MGAT5: variants seen among roughly 807,000 people sequenced by gnomAD.
The protein encoded by MGAT5 is alpha-1,6-mannosylglycoprotein 6-beta-N-acetylglucosaminyltransferase A.
A neutral mutation model predicts 94.3 loss-of-function variants in MGAT5; 30 were observed. The observed-to-expected ratio is 0.32, with a 90% CI of 0.24 to 0.43. The LOEUF is 0.43. MGAT5 is among the 20% of genes least tolerant of loss of function. MGAT5 has a pLI of 1.00. For missense variants in MGAT5, 691 were observed against 905.5 expected, an observed-to-expected ratio of 0.76 and a Z score of 3.04; for synonymous variants, 310 against 322.9, an observed-to-expected ratio of 0.96 and a Z score of 0.43.
intron 1 of MGAT5, among the ~76,000 whole-genome samples, chr2:134,269,692 A>G (rs1036522794): frequency 6.6e-6 from 1 of 152,236 alleles, no homozygotes; most frequent in African/African-American, 2.4e-5. Context: ...TTTAATGTGT[A>G]GTCAGATGTG....
intron 1 of MGAT5, among the ~76,000 whole-genome samples, chr2:134,201,304 C>CT (rs1250302932): frequency 1.3e-5 from 2 of 152,030 alleles, no homozygotes; most frequent in African/African-American, 4.8e-5. Context: ...GCAGGAAGAA[C>CT]TATCTTTTGT....
At chr2:134,290,694 G>A (rs1685295860) in intron 2 of MGAT5, among the ~76,000 whole-genome samples, 1 of 152,182 alleles carries the variant, frequency 6.6e-6, no homozygotes, top group African/African-American at 2.4e-5. Flanking sequence ...GTGACAGAGG[G>A]GCTTGCTGAT....
At chr2:134,399,764 G>A (rs1226080272) in intron 10 of MGAT5, among the ~76,000 whole-genome samples, 1 of 152,152 alleles carries the variant, frequency 6.6e-6, no homozygotes, top group Admixed American at 6.5e-5. Flanking sequence ...TCTTAGATCA[G>A]TGGGACATAC....
chr2:134,188,489 T>A (rs60879361), intron 1 of MGAT5, among the ~76,000 whole-genome samples: 5 of 152,148 alleles, frequency 3.3e-5, no homozygotes, highest in African/African-American at 1.2e-4. Flanking sequence ...AGTTAATACA[T>A]GTGGAAGGTC....
At chr2:134,408,270 A>G (rs1305061954) in intron 11 of MGAT5, among the ~76,000 whole-genome samples, 2 of 152,176 alleles carry the variant, frequency 1.3e-5, no homozygotes, top group Non-Finnish European at 2.9e-5. Context: ...CCAACTGAAC[A>G]TGTTCAGCAT....
chr2:134,257,859 A>G (rs139245251), intron 1 of MGAT5, among the ~76,000 whole-genome samples: 1,519 of 20,824 alleles, frequency 0.073, 13 homozygotes, highest in East Asian at 0.11. Context: ...TTTTTTTGCC[A>G]TAAATGCAGC....
chr2:134,419,001 G>T (rs1185824857), intron 12 of MGAT5, among the ~76,000 whole-genome samples: 1 of 152,128 alleles, frequency 6.6e-6, no homozygotes, highest in African/African-American at 2.4e-5. Context: ...GCTGTCAACA[G>T]GTTCATTTCT....
At chr2:134,244,962 T>G (rs889345944) in intron 1 of MGAT5, among the ~76,000 whole-genome samples, 8 of 152,300 alleles carry the variant, frequency 5.3e-5, no homozygotes, top group African/African-American at 1.9e-4. Flanking sequence ...TAAAGTGATT[T>G]ATTTCATTTT....
At chr2:134,266,474 G>T (rs886892882) in intron 1 of MGAT5, among the ~76,000 whole-genome samples, 3 of 152,222 alleles carry the variant, frequency 2.0e-5, no homozygotes, top group Non-Finnish European at 4.4e-5. Flanking sequence ...GCCTGCCTCG[G>T]CCTCCCAAAG....
At chr2:134,399,702 A>G (rs1682925598) in intron 10 of MGAT5, among the ~76,000 whole-genome samples, 1 of 152,100 alleles carries the variant, frequency 6.6e-6, no homozygotes, top group Non-Finnish European at 1.5e-5. Flanking sequence ...CTTTGACCTT[A>G]GTCTCTTAAG....
intron 2 of MGAT5, among the ~76,000 whole-genome samples, chr2:134,291,738 A>T (rs1450347078): frequency 6.6e-6 from 1 of 152,166 alleles, no homozygotes; most frequent in Non-Finnish European, 1.5e-5. Flanking sequence ...CACTTATTTG[A>T]TACTGTGAGA....
At chr2:134,413,414 C>T (rs1050048206) in intron 12 of MGAT5, among the ~76,000 whole-genome samples, 2 of 152,168 alleles carry the variant, frequency 1.3e-5, no homozygotes, top group Non-Finnish European at 2.9e-5. Flanking sequence ...TTTCAAAGAG[C>T]CATCAGCCTC....
chr2:134,439,885 G>A (rs1021862218), intron 14 of MGAT5, among the ~76,000 whole-genome samples: 1 of 152,210 alleles, frequency 6.6e-6, no homozygotes, highest in South Asian at 2.1e-4. Context: ...AGACAAGGGA[G>A]GGACAGAAAC....
At chr2:134,313,091 CAT>C (rs59569359) in intron 2 of MGAT5, among the ~76,000 whole-genome samples, 6,456 of 112,378 alleles carry the variant, frequency 0.057, 176 homozygotes, top group South Asian at 0.13. Flanking sequence ...CACACACACA[CAT>C]ATCTGTCTGG....
chr2:134,168,876 C>T (rs1045526402), intron 1 of MGAT5, among the ~76,000 whole-genome samples: 19 of 152,182 alleles, frequency 1.2e-4, no homozygotes, highest in African/African-American at 3.9e-4. Flanking sequence ...CTGGGAGAGA[C>T]GTCGTCCATA....
chr2:134,285,205 A>G (rs1207949490), intron 2 of MGAT5, among the ~76,000 whole-genome samples: 1 of 152,188 alleles, frequency 6.6e-6, no homozygotes, highest in Non-Finnish European at 1.5e-5. Context: ...ACAGAAAAGA[A>G]TAAGGAAAAA....
At position 134,403,886 on chromosome 2, in the gene MGAT5, G is replaced by A. The variant is rs963302208; in HGVS notation, c.1530+749G>A. 4.6e-5 allele frequency among the ~76,000 whole-genome samples: 7 copies of A among 152,320 alleles called. No homozygotes were observed. The East Asian group carries it at 9.7e-4, about 21-fold the overall frequency. On this transcript the variant is annotated intron_variant, in intron 11 of 15. Coordinates refer to ENST00000281923, the MANE Select transcript of MGAT5 (RefSeq NM_002410.5). The stretch of plus-strand genomic sequence containing the variant: ...TGGAGGTAGCCGGGCAAGCCCTTGA[G>A]GATCATTTTGCTCAGCAGTAGCATG...
At chr2:134,289,649 A>G (rs1269125919) in intron 2 of MGAT5, among the ~76,000 whole-genome samples, 3 of 152,238 alleles carry the variant, frequency 2.0e-5, no homozygotes, top group African/African-American at 7.2e-5. Flanking sequence ...GTGACTGACT[A>G]TGCTTCAACC....
intron 1 of MGAT5, among the ~76,000 whole-genome samples, chr2:134,234,643 G>C (rs78087079): frequency 1.3e-5 from 2 of 152,300 alleles, no homozygotes; most frequent in South Asian, 4.1e-4. Flanking sequence ...AATTCCCTTC[G>C]TTTCTTGGGA....
Sources: gnomAD v4.1 joint callset for allele counts (sites outside exome capture counted in the v4.1 genomes callset) on GRCh38, gnomAD v4.1.1 for gene constraint, MANE v1.5 for transcripts, NCBI Gene and HGNC (gene_info 2026-07-23, HGNC 2026-07-21) for gene names.